The following APBB2 variants were observed in gnomAD, a reference collection of about 807,000 sequenced individuals.
The protein encoded by APBB2 is Fe65-like 1.
Under a neutral mutation model 82.5 loss-of-function variants are expected in APBB2, and 38 were observed. The observed-to-expected ratio is 0.46, with a 90% confidence interval of 0.36 to 0.60. The LOEUF is 0.60. APBB2 is among the 20% of genes least tolerant of loss of function. The probability of loss-of-function intolerance (pLI) is 0.00; values close to 1 mark genes in which losing one functional copy is unlikely to be tolerated. For missense variants in APBB2, 772 were observed against 972.3 expected, an observed-to-expected ratio of 0.79 and a Z score of 2.74; for synonymous variants, 341 against 368.2, an observed-to-expected ratio of 0.93 and a Z score of 0.85.
intron 3 of APBB2, among the ~76,000 whole-genome samples, chr4:41,067,838 G>C (rs1487591400): frequency 2.6e-5 from 4 of 152,188 alleles, no homozygotes; most frequent in Non-Finnish European, 5.9e-5. Flanking sequence ...AGAATAAACA[G>C]AGCAAGTGGA....
At chr4:41,035,935 G>A (rs1718996915) in intron 4 of APBB2, among the ~76,000 whole-genome samples, 1 of 152,084 alleles carries the variant, frequency 6.6e-6, no homozygotes, top group Non-Finnish European at 1.5e-5. Context: ...CAGGTGGGAG[G>A]ACCACCTGAG....
At chr4:40,855,716 A>G (rs1577998073) in intron 12 of APBB2, among the ~76,000 whole-genome samples, 1 of 145,724 alleles carries the variant, frequency 6.9e-6, no homozygotes, top group African/African-American at 2.6e-5. Flanking sequence ...AGGCTGGGTG[A>G]CAGAGAGGGA....
At chr4:41,043,971 A>C (rs1285946867) in intron 4 of APBB2, among the ~76,000 whole-genome samples, 1 of 152,200 alleles carries the variant, frequency 6.6e-6, no homozygotes, top group Admixed American at 6.5e-5. Flanking sequence ...CAGAGGCTTG[A>C]ACAGATTGAA....
intron 2 of APBB2, among the ~76,000 whole-genome samples, chr4:41,134,389 C>A (rs770910321): frequency 7.9e-5 from 12 of 152,078 alleles, no homozygotes; most frequent in African/African-American, 1.2e-4. Flanking sequence ...ACCATCCTGG[C>A]TAACATGGTG....
rs1373330773 is a variant in APBB2, at chr4:40,815,447, A to C, written c.*645T>G. ...AGTTTTTCATCAATTTTGAAGTTTC[A>C]TTTTTTTCCAACATCCCACAAACAG... On this transcript the variant is annotated 3_prime_UTR_variant, in exon 18 of 18. Coordinates refer to ENST00000508593, the MANE Select transcript of APBB2 (RefSeq NM_004307.2). 2 of 152,398 alleles carry C rather than the reference A, an allele frequency of 1.3e-5. No individual in the cohort carries two copies. Among genetic ancestry groups the C allele is most frequent in the African/African-American group, 4.8e-5 (2 of 41,406 alleles). The allele number at this position is 152,398 out of a possible 1,614,324, so 9.4% of individuals were successfully genotyped here.
chr4:40,972,229 C>A (rs985637626), intron 6 of APBB2, among the ~76,000 whole-genome samples: 40 of 151,886 alleles, frequency 2.6e-4, no homozygotes, highest in Non-Finnish European at 5.1e-4. Context: ...GAGATGGAGA[C>A]CATCCTGGCT....
chr4:41,043,891 A>G (rs546900553), intron 4 of APBB2, among the ~76,000 whole-genome samples: 1 of 152,242 alleles, frequency 6.6e-6, no homozygotes, highest in South Asian at 2.1e-4. Flanking sequence ...TTTCCACAGT[A>G]TGAATTTTGG....
chr4:40,926,805 CCT>C (rs1305946926), intron 10 of APBB2, among the ~76,000 whole-genome samples: 6 of 152,220 alleles, frequency 3.9e-5, no homozygotes, highest in Non-Finnish European at 8.8e-5. Context: ...TGTTTGAGTC[CCT>C]GTTCCATTAG....
At chr4:40,966,276 G>T (rs572536234) in intron 6 of APBB2, among the ~76,000 whole-genome samples, 1 of 152,196 alleles carries the variant, frequency 6.6e-6, no homozygotes, top group African/African-American at 2.4e-5. Flanking sequence ...ATGTAGTAAA[G>T]GCTGCCACAC....
At chr4:40,845,610 A>AAC (rs1482716924) in intron 12 of APBB2, among the ~76,000 whole-genome samples, 50 of 150,370 alleles carry the variant, frequency 3.3e-4, no homozygotes, top group Non-Finnish European at 6.2e-4. Flanking sequence ...AAAAAAAAAA[A>AAC]AAAAACCAGC....
chr4:41,104,070 T>C (rs546009112), intron 2 of APBB2, among the ~76,000 whole-genome samples: 1 of 152,330 alleles, frequency 6.6e-6, no homozygotes, highest in South Asian at 2.1e-4. Flanking sequence ...AGAAATTTCA[T>C]TCTGAATAAA....
chr4:41,178,739 C>T (rs540404629), intron 1 of APBB2, among the ~76,000 whole-genome samples: 1 of 152,254 alleles, frequency 6.6e-6, no homozygotes, highest in Admixed American at 6.5e-5. Flanking sequence ...ATGAGAAAAC[C>T]AAGGCCCAAA....
At chr4:41,209,236 G>T (rs1260982126) in intron 1 of APBB2, among the ~76,000 whole-genome samples, 1 of 152,164 alleles carries the variant, frequency 6.6e-6, no homozygotes, top group Non-Finnish European at 1.5e-5. Context: ...CTCACTTAAA[G>T]GTTAATGAGG....
intron 15 of APBB2, among the ~76,000 whole-genome samples, chr4:40,824,879 CAGACCCCT>C (rs1749345365): frequency 6.6e-6 from 1 of 152,180 alleles, no homozygotes; most frequent in African/African-American, 2.4e-5. Context: ...CCCCACTCCC[CAGACCCCT>C]AGACCAAGGC....
intron 16 of APBB2, among the ~76,000 whole-genome samples, chr4:40,823,162 C>G (rs1748599382): frequency 6.6e-6 from 1 of 152,202 alleles, no homozygotes; most frequent in East Asian, 1.9e-4. Flanking sequence ...GGGCAAATGA[C>G]TTAGCCTCTC....
At chr4:40,985,084 A>ATTT (rs545253152) in intron 6 of APBB2, among the ~76,000 whole-genome samples, 1 of 147,548 alleles carries the variant, frequency 6.8e-6, no homozygotes, top group African/African-American at 2.5e-5. Flanking sequence ...CACCCAGCTA[A>ATTT]TTTTTTTTTT....
chr4:40,934,946 G>A (rs765377493), intron 8 of APBB2, 131 bp downstream of exon 8: 485 of 780,818 alleles, frequency 6.2e-4, no homozygotes, highest in Non-Finnish European at 1.8e-4. Context: ...TGAGCTGAAT[G>A]CCCCTAGCAA....
At chr4:41,099,303 A>C (rs1031709909) in intron 3 of APBB2, among the ~76,000 whole-genome samples, 8 of 152,024 alleles carry the variant, frequency 5.3e-5, no homozygotes, top group African/African-American at 1.9e-4. Context: ...ATCTTGGCTC[A>C]CTGCAACCTC....
At chr4:41,172,037 T>C (rs1384150962) in intron 1 of APBB2, among the ~76,000 whole-genome samples, 1 of 152,058 alleles carries the variant, frequency 6.6e-6, no homozygotes. Flanking sequence ...GAGGCGGAGG[T>C]TGTAGTAAGC....
Sources: gnomAD v4.1 joint callset for allele counts (sites outside exome capture counted in the v4.1 genomes callset) on GRCh38, gnomAD v4.1.1 for gene constraint, MANE v1.5 for transcripts, NCBI Gene and HGNC (gene_info 2026-07-23, HGNC 2026-07-21) for gene names.